The following TMEM192 variants were observed in gnomAD, a reference collection of about 807,000 sequenced individuals.
TMEM192 encodes the protein transmembrane protein 192.
TMEM192 carries 20 observed loss-of-function variants against 26.7 expected under a neutral mutation model. That is an observed-to-expected ratio of 0.75 (90% CI 0.53 to 1.09). The LOEUF (loss-of-function observed/expected upper bound fraction) is 1.09, where lower values mean the gene tolerates loss of function less well. Ranked by LOEUF, TMEM192 falls within the 50% of genes least tolerant of loss-of-function variation. TMEM192 has a pLI of 0.00. For synonymous variants in TMEM192, 124 were observed against 121.0 expected (o/e 1.02, Z -0.16); for missense variants, 304 against 322.6 (o/e 0.94, Z 0.44).
chr4:165,092,146 G>A (rs1734781712), intron 3 of TMEM192, among the ~76,000 whole-genome samples: 1 of 102,666 alleles, frequency 9.7e-6, no homozygotes, highest in Non-Finnish European at 1.8e-5. Flanking sequence ...TTTTGAGATG[G>A]AGTCTTGCTC....
intron 3 of TMEM192, among the ~76,000 whole-genome samples, chr4:165,089,954 G>C (rs997213816): frequency 2.0e-5 from 3 of 151,990 alleles, no homozygotes; most frequent in Non-Finnish European, 2.9e-5. Flanking sequence ...GCTCACGCCT[G>C]TAATCCCAAC....
At chr4:165,100,958 C>T in intron 2 of TMEM192, 66 bp from the exon 3 acceptor site, 1 of 1,352,966 alleles carries the variant, frequency 7.4e-7, no homozygotes, top group Non-Finnish European at 9.8e-7. Flanking sequence ...TAACTACCAT[C>T]CCAGCATACA....
At chr4:165,090,074 G>T (rs1393422097) in intron 3 of TMEM192, among the ~76,000 whole-genome samples, 1 of 151,970 alleles carries the variant, frequency 6.6e-6, no homozygotes, top group Non-Finnish European at 1.5e-5. Context: ...AGCTGGGCGT[G>T]CTGGCATATG....
At chr4:165,086,353 G>C (rs903785618) in intron 4 of TMEM192, among the ~76,000 whole-genome samples, 18 of 152,078 alleles carry the variant, frequency 1.2e-4, no homozygotes, top group Non-Finnish European at 2.4e-4. Context: ...TGGACAAGGG[G>C]TGGGTTGGGA....
At position 165,077,482 on chromosome 4, in the gene TMEM192, C is replaced by G. The variant is rs1734409567; in HGVS notation, c.*2176G>C. 1 of 152,208 alleles carries G rather than the reference C, an allele frequency of 6.6e-6. No individual in the cohort carries two copies. Among genetic ancestry groups the G allele is most frequent in the African/African-American group, 2.4e-5 (1 of 41,438 alleles). The allele number at this position is 152,208 out of a possible 1,614,324, so 9.4% of individuals were successfully genotyped here. On this transcript the variant is annotated 3_prime_UTR_variant, in exon 6 of 6. Transcript: ENST00000306480. Reference sequence around the variant, plus strand: ...GAAAGGAAGGCCGGGCACAGTGGCTCATGCCTGTAATCCCAACACTTTGGG... The same window carrying G: ...GAAAGGAAGGCCGGGCACAGTGGCTGATGCCTGTAATCCCAACACTTTGGG...
At chr4:165,106,272 A>C (rs894252913) in intron 1 of TMEM192, among the ~76,000 whole-genome samples, 1 of 152,150 alleles carries the variant, frequency 6.6e-6, no homozygotes, top group African/African-American at 2.4e-5. Flanking sequence ...TTTCCTCTCT[A>C]TTCTCACTAT....
intron 2 of TMEM192, among the ~76,000 whole-genome samples, chr4:165,102,326 A>G (rs1452852764): frequency 6.6e-6 from 1 of 152,186 alleles, no homozygotes; most frequent in Non-Finnish European, 1.5e-5. Flanking sequence ...TAAAAAATCA[A>G]GTAGTATTCA....
chr4:165,090,706 A>G (rs868286288), intron 3 of TMEM192, among the ~76,000 whole-genome samples: 2 of 151,688 alleles, frequency 1.3e-5, no homozygotes, highest in Non-Finnish European at 2.9e-5. Context: ...GGAGTTCGAG[A>G]GCAGCATGGC....
At chr4:165,096,106 T>G (rs1348501102) in intron 3 of TMEM192, among the ~76,000 whole-genome samples, 1 of 151,616 alleles carries the variant, frequency 6.6e-6, no homozygotes, top group Non-Finnish European at 1.5e-5. Context: ...CCAAATACAT[T>G]TTGAACTCAA....
chr4:165,084,955 A>G (rs1051905491), intron 5 of TMEM192, among the ~76,000 whole-genome samples: 3 of 152,012 alleles, frequency 2.0e-5, no homozygotes, highest in African/African-American at 7.2e-5. Context: ...CAGCCTGGGC[A>G]ATACAGAGAG....
rs989133324 is a variant in TMEM192, at chr4:165,072,659, T to C, written c.*6999A>G. ...TAGCATTGGGGGTGCCAAGAATTGG[T>C]TGGACTCTGGGTATGTTTTAAAGGA... On this transcript the variant is annotated 3_prime_UTR_variant, in exon 6 of 6. Transcript: ENST00000306480. 1 of 151,826 alleles carries C rather than the reference T, an allele frequency of 6.6e-6. No individual in the cohort carries two copies. Among genetic ancestry groups the C allele is most frequent in the South Asian group, 2.1e-4 (1 of 4,778 alleles). The allele number at this position is 151,826 out of a possible 1,614,324, so 9.4% of individuals were successfully genotyped here.
Position 165,112,823 on chromosome 4 carries a change from G to T in TMEM192, c.-50C>A. The T allele has an allele frequency of 6.3e-7, 1 of 1,593,888 alleles. No homozygotes were observed. ...CTGGCCAGCCCGGCCTCTCCACCTG[G>T]ACCTGTAAGCCTCTGGCCGCGAAAC... On this transcript the variant is annotated 5_prime_UTR_variant, in exon 1 of 6. Coordinates refer to ENST00000306480, the MANE Select transcript of TMEM192 (RefSeq NM_001100389.2).
chr4:165,095,636 C>A (rs574350390), intron 3 of TMEM192, among the ~76,000 whole-genome samples: 1 of 152,270 alleles, frequency 6.6e-6, no homozygotes, highest in East Asian at 1.9e-4. Context: ...TGGCTTTACA[C>A]TTTTAGGCCC....
intron 1 of TMEM192, among the ~76,000 whole-genome samples, chr4:165,107,300 G>T (rs1735184105): frequency 6.6e-6 from 1 of 150,424 alleles, no homozygotes; most frequent in Admixed American, 6.7e-5. Flanking sequence ...GGGATTACAG[G>T]TGTGAACCAC....
intron 3 of TMEM192, among the ~76,000 whole-genome samples, chr4:165,100,286 AG>A (rs1194887577): frequency 3.3e-5 from 5 of 151,176 alleles, no homozygotes; most frequent in African/African-American, 1.2e-4. Context: ...CAGCCTCCTG[AG>A]TAGCTGGGAT....
At chr4:165,081,231 C>T (rs149303859) in intron 5 of TMEM192, among the ~76,000 whole-genome samples, 1,154 of 77,042 alleles carry the variant, frequency 0.015, 21 homozygotes, top group African/African-American at 0.037. Context: ...AGGAACCTCC[C>T]ACTCTTTTTT....
chr4:165,082,344 C>T lies in TMEM192; in HGVS notation c.678-2548G>A, dbSNP rs1387502014. ...TGCCCTATGTTCCACTCCTGGGCAT[C>T]CTGTTCATTTCTGAGTTCCAAGTCT... On this transcript the variant is annotated intron_variant, in intron 5 of 5. Transcript: ENST00000306480. Among the ~76,000 whole-genome samples, 19 of 39,570 alleles carry T rather than the reference C, an allele frequency of 4.8e-4. 7 individuals are homozygous for T. Among genetic ancestry groups the T allele is most frequent in the African/African-American group, 8.6e-4 (19 of 22,026 alleles). 26.0% of individuals were successfully genotyped at this position (39,570 alleles called of 152,430 possible).
intron 3 of TMEM192, among the ~76,000 whole-genome samples, chr4:165,096,934 C>CAAA (rs1560932092): frequency 3.4e-5 from 5 of 147,154 alleles, no homozygotes. Flanking sequence ...CATATAAGAT[C>CAAA]TTTTGTAGTT....
At chr4:165,089,756 C>T (rs575615613) in intron 3 of TMEM192, among the ~76,000 whole-genome samples, 20 of 152,084 alleles carry the variant, frequency 1.3e-4, no homozygotes, top group African/African-American at 2.2e-4. Context: ...ACAGGAGGGC[C>T]GGAAGGCAGA....
Sources: gnomAD v4.1 joint callset for allele counts (sites outside exome capture counted in the v4.1 genomes callset) on GRCh38, gnomAD v4.1.1 for gene constraint, MANE v1.5 for transcripts, NCBI Gene and HGNC (gene_info 2026-07-23, HGNC 2026-07-21) for gene names.